PDE4A: variants seen among roughly 807,000 people sequenced by gnomAD.
The protein encoded by PDE4A is phosphodiesterase 4A.
PDE4A carries 21 observed loss-of-function variants against 73.9 expected under a neutral mutation model. The ratio of observed to expected loss-of-function variants is 0.28; its 90% confidence interval spans 0.20 to 0.41. PDE4A has a LOEUF of 0.41. Ranked by LOEUF, PDE4A falls within the 10% of genes least tolerant of loss-of-function variation. The probability of loss-of-function intolerance (pLI) is 1.00; values close to 1 mark genes in which losing one functional copy is unlikely to be tolerated. For missense variants in PDE4A, 958 were observed against 1,211.4 expected (o/e 0.79, Z 3.10); for synonymous variants, 463 against 505.4 (o/e 0.92, Z 1.13).
chr19:10,463,640 A>C, intron 13 of PDE4A, 153 bp from the exon 14 acceptor site: 1 of 905,268 alleles, frequency 1.1e-6, no homozygotes, highest in Non-Finnish European at 1.3e-6. Flanking sequence ...TGACCTCATG[A>C]TCCACCCGCC....
At chr19:10,417,182 G>A (rs200270098), upstream of PDE4A, 898 of 982,950 alleles carry the variant, frequency 9.1e-4, 10 homozygotes, top group East Asian at 3.8e-3. Context: ...GCTCTCAGCC[G>A]GCCCAGGGAC....
chr19:10,466,034 G>A (rs1216579480), intron 14 of PDE4A, among the ~76,000 whole-genome samples: 2 of 129,130 alleles, frequency 1.5e-5, no homozygotes, highest in South Asian at 4.9e-4. Flanking sequence ...ACGGAGTCTC[G>A]CTCTGATGCC....
At chr19:10,454,016 G>A (rs556367824) in intron 6 of PDE4A, among the ~76,000 whole-genome samples, 1 of 152,260 alleles carries the variant, frequency 6.6e-6, no homozygotes, top group Admixed American at 6.5e-5. Flanking sequence ...GAGCTTGGGG[G>A]TGGGGAGCCA....
intron 4 of PDE4A, 51 bp downstream of exon 4, chr19:10,449,201 C>A: frequency 6.3e-7 from 1 of 1,580,636 alleles, no homozygotes; most frequent in Admixed American, 1.7e-5. Context: ...GAAGCATATG[C>A]GGGTTCTGCT....
intron 12 of PDE4A, 45 bp downstream of exon 12, chr19:10,461,725 A>G (rs751319431): frequency 1.2e-6 from 2 of 1,606,936 alleles, no homozygotes; most frequent in East Asian, 2.2e-5. Flanking sequence ...GAAGCCTAGG[A>G]GTCGAGGGCT....
chr19:10,433,935 A>G (rs1231041015), intron 1 of PDE4A, among the ~76,000 whole-genome samples: 1 of 152,216 alleles, frequency 6.6e-6, no homozygotes, highest in Non-Finnish European at 1.5e-5. Context: ...GCCTGGGTTC[A>G]AATCCACATT....
At chr19:10,435,487 GGAGGCT>G (rs2042852696) in intron 1 of PDE4A, among the ~76,000 whole-genome samples, 1 of 151,744 alleles carries the variant, frequency 6.6e-6, no homozygotes, top group African/African-American at 2.4e-5. Context: ...CTTGAGCCTG[GGAGGCT>G]GAGGCTGCAG....
chr19:10,463,279 G>C (rs2043306252), intron 13 of PDE4A, among the ~76,000 whole-genome samples: 1 of 151,360 alleles, frequency 6.6e-6, no homozygotes, highest in Admixed American at 6.6e-5. Flanking sequence ...TAGTAGAGAT[G>C]GGGTTTCGCC....
intron 1 of PDE4A, among the ~76,000 whole-genome samples, chr19:10,432,999 A>C (rs988329908): frequency 7.2e-5 from 11 of 152,058 alleles, no homozygotes; most frequent in African/African-American, 2.7e-4. Context: ...CAGGCTGAAA[A>C]CCAAGCTGGG....
chr19:10,449,091 C>T lies in PDE4A; in HGVS notation c.561C>T (p.Ser187=). ...GCTCCCCATCCCAGGTGCTGGCCAG[C>T]CTCCGGAGCGTCCGTAGCAACTTCT... The part of the protein sequence containing the change: ...IVTPFAQVLA[S]LRSVRSNFSL... Residue 187 remains serine, a synonymous_variant, in exon 4 of 15, where the codon AGC becomes AGT. Transcript: ENST00000380702. 6.2e-7 allele frequency: 1 copy of T among 1,613,664 alleles called. No individual in the cohort carries two copies. Among genetic ancestry groups the T allele is most frequent in the South Asian group, 1.1e-5 (1 of 90,920 alleles).
chr19:10,435,764 C>A (rs2042857719), intron 1 of PDE4A, among the ~76,000 whole-genome samples: 1 of 152,062 alleles, frequency 6.6e-6, no homozygotes, highest in African/African-American at 2.4e-5. Context: ...TGGCCTCTGG[C>A]CTAACTTTGG....
At position 10,420,969 on chromosome 19, in the gene PDE4A, G is replaced by A. The variant is rs1258895781; in HGVS notation, c.205G>A (p.Asp69Asn). 4 of 1,553,196 alleles carry A rather than the reference G, an allele frequency of 2.6e-6. No homozygotes were observed. Among genetic ancestry groups the A allele is most frequent in the African/African-American group, 1.4e-5 (1 of 72,326 alleles). ...GCCGCACCGGCCCATAGAGCGCGCCGATGCCATGGACACCAGCGACCGGCC... is the reference window on the plus strand; with the variant it reads ...GCCGCACCGGCCCATAGAGCGCGCCAATGCCATGGACACCAGCGACCGGCC... ...RQPHRPIERA[D>N]AMDTSDRPGL... Residue 69 changes from aspartate (D) to asparagine (N), a missense_variant, in exon 1 of 15, where the codon GAT becomes AAT. Physicochemically the swap from Asp to Asn is conservative, Grantham distance 23 (BLOSUM62 1). Coordinates refer to ENST00000380702, the MANE Select transcript of PDE4A (RefSeq NM_001111307.2). The surrounding 1 kb of genome is among the most constrained non-coding windows in gnomAD (Gnocchi z 6.0).
upstream of PDE4A, chr19:10,417,801 C>T: frequency 6.4e-7 from 1 of 1,556,666 alleles, no homozygotes. Flanking sequence ...TCTGCCGCCA[C>T]GGCCCACCAC....
intron 7 of PDE4A, among the ~76,000 whole-genome samples, chr19:10,456,504 T>G (rs2043171568): frequency 6.6e-6 from 1 of 151,058 alleles, no homozygotes; most frequent in Non-Finnish European, 1.5e-5. Context: ...CCAGCCTGGG[T>G]GACAGAGTGA....
At chr19:10,431,045 C>G in intron 1 of PDE4A, 3 of 1,577,322 alleles carry the variant, frequency 1.9e-6, no homozygotes, top group Non-Finnish European at 2.6e-6. Context: ...GGCTTCTCCG[C>G]AGCTGCCAGG....
At chr19:10,457,385 A>G (rs1214171963) in intron 7 of PDE4A, among the ~76,000 whole-genome samples, 2 of 129,378 alleles carry the variant, frequency 1.5e-5, no homozygotes, top group Admixed American at 1.7e-4. Context: ...AGCTCAGGAA[A>G]AGGGTTCCTG....
At chr19:10,430,865 A>C in intron 1 of PDE4A, 2 of 1,387,986 alleles carry the variant, frequency 1.4e-6, no homozygotes, top group African/African-American at 3.1e-5. Flanking sequence ...CGCGCGGCCT[A>C]GGCCGCATCC....
upstream of PDE4A, chr19:10,420,425 AGGG>A: frequency 1.2e-6 from 1 of 847,870 alleles, no homozygotes; most frequent in Non-Finnish European, 1.4e-6. The surrounding 1 kb of genome is among the most constrained non-coding windows in gnomAD (Gnocchi z 6.0). Context: ...ACGGAGGAGG[AGGG>A]GGGCGGCGCT....
Position 10,447,368 on chromosome 19 carries a change from G to A in PDE4A, c.512+959G>A, listed in dbSNP as rs538968999. On this transcript the variant is annotated intron_variant, in intron 2 of 14. Coordinates refer to ENST00000380702, the MANE Select transcript of PDE4A (RefSeq NM_001111307.2). Reference sequence around the variant, plus strand: ...AGCCTCCTGAGTAGCTGGGACTACAGGTGCCTGCCACCACACCCGGCTAAT... The same window carrying A: ...AGCCTCCTGAGTAGCTGGGACTACAAGTGCCTGCCACCACACCCGGCTAAT... Among the ~76,000 whole-genome samples, 780 of 150,052 alleles carry A rather than the reference G, an allele frequency of 5.2e-3. 7 individuals are homozygous for A. Among genetic ancestry groups the A allele is most frequent in the African/African-American group, 0.018 (738 of 40,738 alleles).
Sources: gnomAD v4.1 joint callset for allele counts (sites outside exome capture counted in the v4.1 genomes callset) on GRCh38, gnomAD v4.1.1 for gene constraint, Gnocchi (gnomAD v3.1) non-coding constraint, MANE v1.5 for transcripts, NCBI Gene and HGNC (gene_info 2026-07-23, HGNC 2026-07-21) for gene names.